Variants in ZNF334 observed in about 807,000 individuals in gnomAD.
ZNF334 encodes zinc finger protein 334.
A neutral mutation model predicts 12.4 loss-of-function variants in ZNF334; 14 were observed. The observed-to-expected ratio is 1.13, with a 90% CI of 0.74 to 1.76. ZNF334 has a LOEUF of 1.76. Ranked by LOEUF, ZNF334 falls within the 40% of genes most tolerant of loss-of-function variation. The pLI is 0.00. For missense variants in ZNF334, 797 were observed against 804.5 expected (o/e 0.99, Z 0.11); for synonymous variants, 273 against 269.6 (o/e 1.01, Z -0.12).
chr20:46,503,537 A>G (rs1330641668), intron 4 of ZNF334, among the ~76,000 whole-genome samples: 1 of 152,248 alleles, frequency 6.6e-6, no homozygotes, highest in Non-Finnish European at 1.5e-5. Flanking sequence ...AACAGATATC[A>G]GAAAGATGGT....
At chr20:46,473,533 G>T in the ZNF334 span, among the ~76,000 whole-genome samples, 1 of 152,176 alleles carries the variant, frequency 6.6e-6, no homozygotes, top group African/African-American at 2.4e-5. Flanking sequence ...TTATGATTCA[G>T]TTCAAACTAT....
chr20:46,501,201 T>C lies in ZNF334; in HGVS notation c.*95A>G. The C allele has an allele frequency of 6.8e-7, 1 of 1,473,048 alleles. No homozygotes were observed. 91.2% of individuals were successfully genotyped at this position (1,473,048 alleles called of 1,614,324 possible). On this transcript the variant is annotated 3_prime_UTR_variant, in exon 5 of 5. Coordinates refer to ENST00000692313, the MANE Select transcript of ZNF334 (RefSeq NM_001353824.2). ...GAAAAATTTTCCATATTCATTACATTTATAAGATTTTACTCCTCTATACAT... is the reference window on the plus strand; with the variant it reads ...GAAAAATTTTCCATATTCATTACATCTATAAGATTTTACTCCTCTATACAT...
chr20:46,464,890 TGA>T, the ZNF334 span: 5,561 of 528,810 alleles, frequency 0.011, 154 homozygotes, highest in African/African-American at 0.074. Context: ...CAACTATGAA[TGA>T]GAGACTTAAG....
At chr20:46,511,973 A>C in intron 2 of ZNF334, 109 bp downstream of exon 2, 1 of 1,088,246 alleles carries the variant, frequency 9.2e-7, no homozygotes, top group Non-Finnish European at 1.4e-6. Context: ...TATTGATCGA[A>C]TACTCTTCTC....
At chr20:46,488,907 G>A in the ZNF334 span, among the ~76,000 whole-genome samples, 1 of 150,112 alleles carries the variant, frequency 6.7e-6, no homozygotes, top group Non-Finnish European at 1.5e-5. Context: ...TCTGTGCCAT[G>A]TACATAACGT....
the ZNF334 span, among the ~76,000 whole-genome samples, chr20:46,473,741 T>C: frequency 6.6e-6 from 1 of 152,244 alleles, no homozygotes; most frequent in Non-Finnish European, 1.5e-5. Flanking sequence ...GGAGTGTACA[T>C]TCTAGTGAGG....
chr20:46,463,878 T>A, the ZNF334 span: 3 of 446,024 alleles, frequency 6.7e-6, no homozygotes, highest in Non-Finnish European at 1.4e-5. Flanking sequence ...CCAGTTCACA[T>A]GCCACGCAAG....
In ZNF334 at chr20:46,502,291, C is replaced by T. The variant is rs1364509012; in HGVS notation, c.1048G>A (p.Glu350Lys). 5.6e-6 allele frequency: 9 copies of T among 1,614,114 alleles called. No individual in the cohort carries two copies. The highest frequency in any genetic ancestry group is 3.3e-5 in the South Asian group (3 of 91,084). The part of the protein sequence containing the change: ...FRSHTGEKPY[E>K]CKECGNAFSK... ...AAGGCATTTCCACATTCCTTGCATT[C>T]GTAAGGCTTCTCCCCTGTGTGTGAC... is the stretch of plus-strand genomic sequence containing the variant. The change falls in exon 5 of 5, where the codon GAA becomes AAA. Residue 350 changes from glutamate to lysine, a missense_variant. Physicochemically the swap from Glu to Lys is moderately conservative, Grantham distance 56 (BLOSUM62 1). Coordinates refer to ENST00000692313, the MANE Select transcript of ZNF334 (RefSeq NM_001353824.2).
chr20:46,508,336 T>C (rs1426937809), intron 2 of ZNF334, among the ~76,000 whole-genome samples: 1 of 152,134 alleles, frequency 6.6e-6, no homozygotes, highest in Non-Finnish European at 1.5e-5. Flanking sequence ...ACTTGTGAGG[T>C]AGACAGATAA....
At chr20:46,464,366 G>A in the ZNF334 span, 2 of 509,920 alleles carry the variant, frequency 3.9e-6, no homozygotes, top group Non-Finnish European at 7.8e-6. Flanking sequence ...AAATAGCTTA[G>A]TGCCCTTCCA....
Position 46,512,023 on chromosome 20 carries a change from A to G in ZNF334, c.21+59T>C, listed in dbSNP as rs548331280. ...ATACATTTCGTTTCATCTGCAAACTACTCTAAACCTCTTGAAATTCACTGT... is the reference window on the plus strand; with the variant it reads ...ATACATTTCGTTTCATCTGCAAACTGCTCTAAACCTCTTGAAATTCACTGT... On this transcript the variant is annotated intron_variant, in intron 2 of 4. Coordinates refer to ENST00000692313, the MANE Select transcript of ZNF334 (RefSeq NM_001353824.2). 9.6e-6 allele frequency: 15 copies of G among 1,559,682 alleles called. No homozygotes were observed. In the East Asian group the frequency reaches 2.2e-4, roughly 23 times the overall value.
Position 46,502,314 on chromosome 20 carries a change from G to A in ZNF334, c.1025C>T (p.Ser342Leu). 1 of 1,614,062 alleles carries A rather than the reference G, an allele frequency of 6.2e-7. No individual in the cohort carries two copies. Among genetic ancestry groups the A allele is most frequent in the South Asian group, 1.1e-5 (1 of 91,066 alleles). The change falls in exon 5 of 5, where the codon TCA becomes TTA. Residue 342 changes from serine (S) to leucine (L), a missense_variant. Ser to Leu is a moderately radical substitution (Grantham distance 145, BLOSUM62 -2). Coordinates refer to ENST00000692313, the MANE Select transcript of ZNF334 (RefSeq NM_001353824.2). ...RKSALAEHFR[S>L]HTGEKPYECK... ...TTCGTAAGGCTTCTCCCCTGTGTGT[G>A]ACCTGAAATGTTCAGCCAGGGCTGA...
chr20:46,506,346 C>T, intron 2 of ZNF334: 1 of 639,854 alleles, frequency 1.6e-6, no homozygotes, highest in Non-Finnish European at 2.8e-6. Flanking sequence ...ACACACATGG[C>T]CAGGTGTGGT....
At chr20:46,505,824 C>T (rs1486164934) in intron 2 of ZNF334, 1 of 153,252 alleles carries the variant, frequency 6.5e-6, no homozygotes, top group Non-Finnish European at 1.5e-5. Context: ...CTGTCCCCTA[C>T]TCTAGAAAAA....
the ZNF334 span, among the ~76,000 whole-genome samples, chr20:46,465,827 C>T: frequency 9.9e-5 from 15 of 152,044 alleles, no homozygotes; most frequent in South Asian, 6.2e-4. Flanking sequence ...TGGTGGCGAG[C>T]GCCTGTAGTC....
Position 46,500,169 on chromosome 20 carries a change from A to G in ZNF334, c.*1127T>C, listed in dbSNP as rs1038001345. 1.3e-5 allele frequency: 2 copies of G among 152,210 alleles called. No individual in the cohort carries two copies. The highest frequency in any genetic ancestry group is 2.9e-5 in the Non-Finnish European group (2 of 68,042). The allele number at this position is 152,210 out of a possible 1,614,324, so 9.4% of individuals were successfully genotyped here. ...TGAGCAAACCCAGTTACCCATCACT[A>G]TCTTACCAACTAGATAAGCCCACTT... On this transcript the variant is annotated 3_prime_UTR_variant, in exon 5 of 5. Coordinates refer to ENST00000692313, the MANE Select transcript of ZNF334 (RefSeq NM_001353824.2).
the ZNF334 span, among the ~76,000 whole-genome samples, chr20:46,467,019 G>A: frequency 6.6e-6 from 1 of 152,102 alleles, no homozygotes; most frequent in African/African-American, 2.4e-5. Context: ...TAAGGAAATA[G>A]TTGTCCAAAA....
chr20:46,472,805 CG>C, the ZNF334 span, among the ~76,000 whole-genome samples: 3 of 152,102 alleles, frequency 2.0e-5, no homozygotes, highest in African/African-American at 7.2e-5. Context: ...CCTGACTGCA[CG>C]GGGGCAAGGG....
the ZNF334 span, among the ~76,000 whole-genome samples, chr20:46,467,539 T>C: frequency 2.5e-3 from 385 of 152,376 alleles, 3 homozygotes; most frequent in African/African-American, 8.8e-3. Context: ...GGCATAGATT[T>C]ACATCCTTTG....
Sources: gnomAD v4.1 joint callset for allele counts (sites outside exome capture counted in the v4.1 genomes callset) on GRCh38, gnomAD v4.1.1 for gene constraint, MANE v1.5 for transcripts, NCBI Gene and HGNC (gene_info 2026-07-23, HGNC 2026-07-21) for gene names.